Variants in DERL1 observed in about 807,000 individuals in gnomAD.
DERL1 encodes the protein derlin 1.
DERL1 carries 24 observed loss-of-function variants against 41.6 expected under a neutral mutation model. That is an observed-to-expected ratio of 0.58 (90% CI 0.42 to 0.81). The LOEUF (loss-of-function observed/expected upper bound fraction) is 0.81, where lower values mean the gene tolerates loss of function less well. Among genes scored for constraint, DERL1 ranks in the 30% least tolerant of loss-of-function variants. The probability of loss-of-function intolerance (pLI) is 0.00; values close to 1 mark genes in which losing one functional copy is unlikely to be tolerated. For synonymous variants in DERL1, 124 were observed against 112.5 expected (o/e 1.10, Z -0.65); for missense variants, 260 against 314.3 (o/e 0.83, Z 1.31).
Position 123,019,289 on chromosome 8 carries a change from T to A in DERL1, c.523A>T (p.Ile175Phe). ...TAAAGATGTCCAACCAGATTTCCAA[T>A]AAGCTCATTGATTACCCTGCAAAGA... ...IIGGSVINELIGNLVGHLYFF... is the reference protein window; with the variant it reads ...IIGGSVINELFGNLVGHLYFF... Residue 175 changes from isoleucine (I) to phenylalanine (F), a missense_variant, in exon 7 of 8, where the codon ATT becomes TTT. Transcript: ENST00000259512. 2 of 1,613,626 alleles carry A rather than the reference T, an allele frequency of 1.2e-6. No homozygotes were observed. Among genetic ancestry groups the A allele is most frequent in the Non-Finnish European group, 1.7e-6 (2 of 1,179,554 alleles).
intron 1 of DERL1, among the ~76,000 whole-genome samples, chr8:123,040,414 G>C (rs1234665346): frequency 6.6e-6 from 1 of 152,202 alleles, no homozygotes; most frequent in Non-Finnish European, 1.5e-5. Flanking sequence ...CATGTGCAAA[G>C]GCCCTGAGGA....
At chr8:123,017,105 G>C (rs1409472003) in intron 7 of DERL1, 1 of 152,102 alleles carries the variant, frequency 6.6e-6, no homozygotes, top group Non-Finnish European at 1.5e-5. Flanking sequence ...CAAAATGCTG[G>C]GATTACCGAC....
intron 1 of DERL1, among the ~76,000 whole-genome samples, chr8:123,037,288 T>G (rs923164259): frequency 2.5e-4 from 38 of 152,210 alleles, no homozygotes; most frequent in Non-Finnish European, 1.3e-4. Context: ...ATTTCCTCAA[T>G]TTGAAGGTAC....
rs553707578 is a variant in DERL1, at chr8:123,015,475, C to A, written c.728G>T (p.Gly243Val). The A allele has an allele frequency of 1.2e-6, 2 of 1,613,542 alleles. No homozygotes were observed. Among genetic ancestry groups the A allele is most frequent in the African/African-American group, 2.7e-5 (2 of 75,030 alleles). Reference sequence around the variant, plus strand: ...CTGGTCTCCAAGTCGAAAGCCCTGGCCCCAGTTGTGTCTCCCGCCTCCGCC... The same window carrying A: ...CTGGTCTCCAAGTCGAAAGCCCTGGACCCAGTTGTGTCTCCCGCCTCCGCC... ...QNGGGGRHNWGQGFRLGDQ is the reference protein window; with the variant it reads ...QNGGGGRHNWVQGFRLGDQ The change falls in exon 8 of 8, where the codon GGC becomes GTC. Residue 243 changes from glycine to valine, a missense_variant. By Grantham distance (109) the Gly-to-Val change is moderately radical. Coordinates refer to ENST00000259512, the MANE Select transcript of DERL1 (RefSeq NM_024295.6).
chr8:123,018,990 T>TTC lies in DERL1; in HGVS notation c.617+204_617+205insGA, dbSNP rs1814682155. The stretch of plus-strand genomic sequence containing the variant: ...AATCTAGTTGTCAGTGGTCCCTGGC[T>TTC]AAAAGAGTAACAGGAAGGCAACTGA... On this transcript the variant is annotated intron_variant, in intron 7 of 7. Coordinates refer to ENST00000259512, the MANE Select transcript of DERL1 (RefSeq NM_024295.6). 15 of 582,280 alleles carry TTC rather than the reference T, an allele frequency of 2.6e-5. No individual in the cohort carries two copies. In the South Asian group the frequency reaches 3.0e-4, roughly 12 times the overall value. 36.1% of individuals were successfully genotyped at this position (582,280 alleles called of 1,614,324 possible).
chr8:123,020,254 C>A (rs558176324), intron 6 of DERL1, among the ~76,000 whole-genome samples: 1 of 152,172 alleles, frequency 6.6e-6, no homozygotes, highest in East Asian at 1.9e-4. Context: ...CCAAGGTGAG[C>A]GGATCATTTG....
At chr8:123,037,935 A>G (rs1812962124) in intron 1 of DERL1, among the ~76,000 whole-genome samples, 1 of 152,238 alleles carries the variant, frequency 6.6e-6, no homozygotes, top group Admixed American at 6.5e-5. Context: ...CCTCTTGTGT[A>G]GTTAATCAAC....
chr8:123,042,211 G>A lies in DERL1; in HGVS notation c.-89C>T. On this transcript the variant is annotated 5_prime_UTR_variant, in exon 1 of 8. Transcript: ENST00000259512. ...ACGCGGCCGGCTCCGCGACTGTTAG[G>A]TGTCTAGGTGGAAGCCGCCGAAGCC... The A allele has an allele frequency of 7.0e-7, 1 of 1,429,422 alleles. No homozygotes were observed. Among genetic ancestry groups the A allele is most frequent in the Non-Finnish European group, 9.2e-7 (1 of 1,088,374 alleles). The allele number at this position is 1,429,422 out of a possible 1,614,324, so 88.5% of individuals were successfully genotyped here.
At position 123,014,899 on chromosome 8, in the gene DERL1, C is replaced by G. The variant is rs1159723840; in HGVS notation, c.*548G>C. ...TTCATCCGCTGCTTGTCTTCTCCCC[C>G]TATTGCTACAGTTCTGCCACCAAAG... On this transcript the variant is annotated 3_prime_UTR_variant, in exon 8 of 8. Transcript: ENST00000259512. The G allele has an allele frequency of 1.3e-5, 2 of 152,340 alleles. No individual in the cohort carries two copies. Among genetic ancestry groups the G allele is most frequent in the South Asian group, 2.1e-4 (1 of 4,826 alleles). 9.4% of individuals were successfully genotyped at this position (152,340 alleles called of 1,614,324 possible).
chr8:123,013,585 C>G lies in DERL1; in HGVS notation c.*1862G>C, dbSNP rs1031368107. The G allele has an allele frequency of 6.6e-6, 1 of 152,148 alleles. No individual in the cohort carries two copies. The highest frequency in any genetic ancestry group is 2.1e-4 in the South Asian group (1 of 4,830). The allele number at this position is 152,148 out of a possible 1,614,324, so 9.4% of individuals were successfully genotyped here. A position where few individuals can be genotyped will look rare whatever the true frequency, so the allele number is the denominator to read the frequency against. On this transcript the variant is annotated 3_prime_UTR_variant, in exon 8 of 8. Transcript: ENST00000259512. ...TCCTAACCATGTTTAAGAGGAATAA[C>G]TTCATGAACATTTTGCCCTGAACTG...
intron 1 of DERL1, among the ~76,000 whole-genome samples, chr8:123,041,435 G>C (rs1286476189): frequency 6.6e-6 from 1 of 152,132 alleles, no homozygotes; most frequent in Non-Finnish European, 1.5e-5. Context: ...TACTACGTGG[G>C]GGACACTAAA....
intron 2 of DERL1, 197 bp downstream of exon 2, chr8:123,030,408 A>AT: frequency 2.2e-6 from 1 of 464,124 alleles, no homozygotes. Context: ...ACTGCTACTT[A>AT]TACCTCAGGA....
intron 7 of DERL1, chr8:123,017,232 A>C (rs2130452779): frequency 1.3e-5 from 2 of 152,326 alleles, no homozygotes; most frequent in East Asian, 3.9e-4. Flanking sequence ...TCAGCATTCC[A>C]TTTAGAAAAG....
intron 2 of DERL1, among the ~76,000 whole-genome samples, chr8:123,027,577 G>C (rs1563632428): frequency 6.6e-6 from 1 of 152,174 alleles, no homozygotes; most frequent in Non-Finnish European, 1.5e-5. Context: ...ATGCTCTGTA[G>C]TTGTTGAGTA....
rs2130446092 is a variant in DERL1 at position 123,014,693 on chromosome 8, CACTACAGTCT to C, written c.*744_*753del. Reference sequence around the variant, plus strand: ...ACCTAACCCATGTTAGCTGCAACTCCACTACAGTCTTGATCACTTAGCTCAGGAAACAAAC... The same window carrying C: ...ACCTAACCCATGTTAGCTGCAACTCCTGATCACTTAGCTCAGGAAACAAAC... On this transcript the variant is annotated 3_prime_UTR_variant, in exon 8 of 8. Coordinates refer to ENST00000259512, the MANE Select transcript of DERL1 (RefSeq NM_024295.6). 6.6e-6 allele frequency: 1 copy of C among 152,386 alleles called. No individual in the cohort carries two copies. Among genetic ancestry groups the C allele is most frequent in the South Asian group, 2.1e-4 (1 of 4,832 alleles). The allele number at this position is 152,386 out of a possible 1,614,324, so 9.4% of individuals were successfully genotyped here. A position where few individuals can be genotyped will look rare whatever the true frequency, so the allele number is the denominator to read the frequency against.
At chr8:123,031,526 C>T (rs934292309) in intron 1 of DERL1, among the ~76,000 whole-genome samples, 4 of 151,782 alleles carry the variant, frequency 2.6e-5, no homozygotes, top group African/African-American at 9.7e-5. Flanking sequence ...GCCTGGGTGA[C>T]GAGCGAAACT....
chr8:123,036,352 T>C (rs1203125618), intron 1 of DERL1, among the ~76,000 whole-genome samples: 5 of 152,050 alleles, frequency 3.3e-5, no homozygotes. Flanking sequence ...TAAAAGCAGG[T>C]AGACACAAAA....
At chr8:123,024,856 A>T in intron 3 of DERL1, 130 bp downstream of exon 3, 2 of 874,586 alleles carry the variant, frequency 2.3e-6, no homozygotes, top group South Asian at 4.4e-5. Flanking sequence ...AACTATAATT[A>T]TTCTTATTAA....
chr8:123,028,267 A>G (rs535225976), intron 2 of DERL1, among the ~76,000 whole-genome samples: 31 of 152,276 alleles, frequency 2.0e-4, no homozygotes, highest in African/African-American at 7.2e-4. Context: ...TGAGATAACT[A>G]TTAGAGGTGA....
Sources: gnomAD v4.1 joint callset for allele counts (sites outside exome capture counted in the v4.1 genomes callset) on GRCh38, gnomAD v4.1.1 for gene constraint, MANE v1.5 for transcripts, NCBI Gene and HGNC (gene_info 2026-07-23, HGNC 2026-07-21) for gene names.